SYTL5: variants seen among roughly 807,000 people sequenced by gnomAD.
SYTL5 encodes the protein synaptotagmin-like protein 5.
SYTL5 carries 34 observed loss-of-function variants against 55.9 expected under a neutral mutation model. That is an observed-to-expected ratio of 0.61 (90% CI 0.46 to 0.81). The LOEUF (loss-of-function observed/expected upper bound fraction) is 0.81. SYTL5 is among the 30% of genes least tolerant of loss of function. SYTL5 has a pLI of 0.00. For synonymous variants in SYTL5, 221 were observed against 188.7 expected (o/e 1.17, Z -1.40); for missense variants, 637 against 546.7 (o/e 1.17, Z -1.65).
chrX:37,943,023 T>C, the SYTL5 span, among the ~76,000 whole-genome samples: 1 of 111,960 alleles, frequency 8.9e-6, no homozygotes, highest in Admixed American at 9.5e-5. Context: ...CACATTTCTC[T>C]ATGAACAAGT....
intron 6 of SYTL5, among the ~76,000 whole-genome samples, 191 bp downstream of exon 6, chrX:38,076,892 T>C (rs1368070533): frequency 1.8e-5 from 2 of 111,918 alleles, no homozygotes; most frequent in Non-Finnish European, 3.8e-5. Flanking sequence ...ATTACAGCTA[T>C]TGGAATTGCC....
chrX:38,039,068 A>G (rs1455267968), intron 2 of SYTL5, among the ~76,000 whole-genome samples: 1 of 111,859 alleles, frequency 8.9e-6, no homozygotes, highest in Non-Finnish European at 1.9e-5. Context: ...GCACATGGCA[A>G]GCCTGATAAT....
intron 5 of SYTL5, among the ~76,000 whole-genome samples, chrX:38,074,921 C>A: frequency 9.0e-6 from 1 of 111,338 alleles, no homozygotes. Flanking sequence ...CACACACACA[C>A]ACACACACAC....
the SYTL5 span, among the ~76,000 whole-genome samples, chrX:37,892,422 C>G: frequency 9.8e-6 from 1 of 101,768 alleles, no homozygotes; most frequent in African/African-American, 3.5e-5. Context: ...GATTCTTTAC[C>G]TTCATTTGCT....
intron 13 of SYTL5, among the ~76,000 whole-genome samples, chrX:38,113,046 G>T (rs1164890068): frequency 8.9e-6 from 1 of 112,090 alleles, no homozygotes; most frequent in Non-Finnish European, 1.9e-5. Context: ...ATTAGTGAAG[G>T]TTCCTCAATA....
chrX:37,975,082 G>T, the SYTL5 span, among the ~76,000 whole-genome samples: 1 of 112,406 alleles, frequency 8.9e-6, no homozygotes, highest in Non-Finnish European at 1.9e-5. Context: ...AGTTAGACAG[G>T]TAGGAGAAGT....
At chrX:38,050,361 A>G (rs918875525) in intron 2 of SYTL5, among the ~76,000 whole-genome samples, 3 of 112,101 alleles carry the variant, frequency 2.7e-5, no homozygotes, top group Admixed American at 9.5e-5. Context: ...TACATGGAAC[A>G]TTTTTGATGA....
At chrX:37,958,370 G>A in the SYTL5 span, among the ~76,000 whole-genome samples, 1 of 111,024 alleles carries the variant, frequency 9.0e-6, no homozygotes, top group African/African-American at 3.3e-5. Context: ...CAAGAGGGAA[G>A]AGTGTGTCAG....
At chrX:38,101,420 T>TA (rs963136850) in intron 9 of SYTL5, among the ~76,000 whole-genome samples, 2 of 111,213 alleles carry the variant, frequency 1.8e-5, no homozygotes, top group Non-Finnish European at 3.8e-5. Flanking sequence ...AAACTATAGT[T>TA]AAAAAAATTC....
intron 3 of SYTL5, among the ~76,000 whole-genome samples, chrX:38,064,104 C>T (rs1602358861): frequency 1.8e-5 from 2 of 109,131 alleles, no homozygotes; most frequent in East Asian, 5.7e-4. Context: ...TATACTTATA[C>T]ATGTGTGTAT....
chrX:37,893,200 TCTATA>T, the SYTL5 span, among the ~76,000 whole-genome samples: 27 of 67,168 alleles, frequency 4.0e-4, no homozygotes, highest in African/African-American at 2.1e-3. Context: ...CATACCACAC[TCTATA>T]CTATATATGT....
the SYTL5 span, among the ~76,000 whole-genome samples, chrX:37,919,776 T>C: frequency 1.8e-5 from 2 of 112,623 alleles, no homozygotes; most frequent in Non-Finnish European, 3.8e-5. Flanking sequence ...TAGCTAAATA[T>C]TTGCTGAAAC....
chrX:38,041,961 T>C (rs185401323), intron 2 of SYTL5, among the ~76,000 whole-genome samples: 1,375 of 111,266 alleles, frequency 0.012, 23 homozygotes, highest in African/African-American at 0.042. Flanking sequence ...ATTTATCTTT[T>C]CCTTATGCTA....
chrX:38,046,284 A>G (rs916298248), intron 2 of SYTL5, among the ~76,000 whole-genome samples: 2 of 111,870 alleles, frequency 1.8e-5, no homozygotes, highest in African/African-American at 6.5e-5. Flanking sequence ...CTGCTGATAA[A>G]GACATACCCA....
At chrX:37,944,253 C>G in the SYTL5 span, among the ~76,000 whole-genome samples, 1 of 110,292 alleles carries the variant, frequency 9.1e-6, no homozygotes, top group East Asian at 2.8e-4. Flanking sequence ...TATCACAGGT[C>G]TGGTCTGTTT....
intron 2 of SYTL5, among the ~76,000 whole-genome samples, chrX:38,039,153 G>A (rs777709635): frequency 3.6e-5 from 4 of 111,825 alleles, no homozygotes; most frequent in African/African-American, 1.3e-4. Context: ...TCATTCAAGA[G>A]GCTGAAATAT....
chrX:38,014,130 C>T (rs1331732847), intron 1 of SYTL5, among the ~76,000 whole-genome samples: 1 of 112,738 alleles, frequency 8.9e-6, no homozygotes, highest in Non-Finnish European at 1.9e-5. Context: ...TGTGTACCCT[C>T]CAAAGCAGGA....
At chrX:37,950,004 T>C in the SYTL5 span, among the ~76,000 whole-genome samples, 3 of 111,706 alleles carry the variant, frequency 2.7e-5, no homozygotes, top group Non-Finnish European at 5.7e-5. Flanking sequence ...TAAATGTGAG[T>C]GATTTGTATC....
the SYTL5 span, among the ~76,000 whole-genome samples, chrX:37,978,280 T>C: frequency 1.2e-4 from 13 of 111,380 alleles, no homozygotes; most frequent in Non-Finnish European, 1.9e-4. Flanking sequence ...AGAGAGGCTA[T>C]TAGATGACTT....
Sources: allele counts gnomAD v4.1 joint callset (sites outside exome capture counted in the v4.1 genomes callset), GRCh38; gene constraint gnomAD v4.1.1; transcripts MANE v1.5; gene names NCBI Gene and HGNC (gene_info 2026-07-23, HGNC 2026-07-21).